HFM1: variants seen among roughly 807,000 people sequenced by gnomAD.
HFM1 encodes probable ATP-dependent DNA helicase HFM1.
In HFM1, 169 loss-of-function variants were observed where a neutral mutation model predicts 192.1. The ratio of observed to expected loss-of-function variants is 0.88; its 90% CI spans 0.78 to 1.00. The LOEUF is 1.00. HFM1 is among the 50% of genes least tolerant of loss of function. The probability of loss-of-function intolerance (pLI) is 0.00; values close to 1 mark genes in which losing one functional copy is unlikely to be tolerated. For missense variants in HFM1, 1,661 were observed against 1,668.0 expected, an observed-to-expected ratio of 1.00 and a Z score of 0.07; for synonymous variants, 525 against 537.8, an observed-to-expected ratio of 0.98 and a Z score of 0.33.
intron 30 of HFM1, among the ~76,000 whole-genome samples, chr1:91,290,981 T>TA (rs1668674247): frequency 6.6e-6 from 1 of 152,058 alleles, no homozygotes; most frequent in African/African-American, 2.4e-5. Context: ...AAGGCAGAAA[T>TA]AAAGATGTTC....
At chr1:91,341,004 C>T (rs1655251898) in intron 20 of HFM1, among the ~76,000 whole-genome samples, 1 of 152,164 alleles carries the variant, frequency 6.6e-6, no homozygotes, top group South Asian at 2.1e-4. Context: ...GAGGCTTCAA[C>T]ACCCCACTGA....
chr1:91,342,335 G>A (rs529434873), intron 20 of HFM1, among the ~76,000 whole-genome samples: 1 of 152,096 alleles, frequency 6.6e-6, no homozygotes, highest in South Asian at 2.1e-4. Flanking sequence ...TTAAGCTGTA[G>A]GAATTTGAGA....
chr1:91,336,372 A>T (rs1654580301), intron 20 of HFM1, among the ~76,000 whole-genome samples: 1 of 137,246 alleles, frequency 7.3e-6, no homozygotes, highest in African/African-American at 2.8e-5. Context: ...CTCCCCCTGC[A>T]TTCCTTCCTA....
intron 31 of HFM1, 72 bp downstream of exon 31, chr1:91,276,910 G>T: frequency 1.1e-6 from 1 of 903,850 alleles, no homozygotes. Context: ...TACATAATTA[G>T]GATGTCATTA....
intron 30 of HFM1, among the ~76,000 whole-genome samples, chr1:91,289,573 T>C (rs557702505): frequency 2.5e-4 from 38 of 152,166 alleles, no homozygotes; most frequent in East Asian, 1.9e-3. Flanking sequence ...CTGGGCAACA[T>C]TGAGCACTGA....
chr1:91,299,228 A>C (rs1000475378), intron 30 of HFM1, among the ~76,000 whole-genome samples: 3 of 152,222 alleles, frequency 2.0e-5, no homozygotes, highest in Non-Finnish European at 4.4e-5. Flanking sequence ...CAACAAGAAG[A>C]GCTAACTATC....
At chr1:91,379,563 C>T (rs1661308601) in intron 8 of HFM1, among the ~76,000 whole-genome samples, 1 of 151,998 alleles carries the variant, frequency 6.6e-6, no homozygotes, top group Admixed American at 6.6e-5. Flanking sequence ...CATCCTGGGC[C>T]ACATGCAGCC....
chr1:91,272,757 G>T (rs966218370), intron 34 of HFM1, among the ~76,000 whole-genome samples: 1 of 151,858 alleles, frequency 6.6e-6, no homozygotes, highest in Admixed American at 6.6e-5. Flanking sequence ...TCTCATTATT[G>T]GGCCTAATAG....
chr1:91,387,285 A>G (rs1176869463), intron 4 of HFM1, among the ~76,000 whole-genome samples: 4 of 152,020 alleles, frequency 2.6e-5, no homozygotes, highest in African/African-American at 9.7e-5. Flanking sequence ...TCTGCTTCAC[A>G]ATGATAGGAA....
chr1:91,296,878 A>G lies in HFM1; in HGVS notation c.3391+16471T>C, dbSNP rs545699187. On this transcript the variant is annotated intron_variant, in intron 30 of 38. Coordinates refer to ENST00000370425, the MANE Select transcript of HFM1 (RefSeq NM_001017975.6). Reference sequence around the variant, plus strand: ...TCCCAGCGTGAGCGATGCAGAAGACAGGTGATTTCTGCATTTCTAACTGAG... The same window carrying G: ...TCCCAGCGTGAGCGATGCAGAAGACGGGTGATTTCTGCATTTCTAACTGAG... 3.9e-3 allele frequency among the ~76,000 whole-genome samples: 593 copies of G among 152,332 alleles called. 1 individual carries two copies. Among genetic ancestry groups the G allele is most frequent in the African/African-American group, 0.014 (563 of 41,584 alleles).
chr1:91,399,256 G>A (rs1249647462), intron 2 of HFM1, among the ~76,000 whole-genome samples: 1 of 152,034 alleles, frequency 6.6e-6, no homozygotes, highest in Non-Finnish European at 1.5e-5. Context: ...CCTATAATAT[G>A]TATTATAGTC....
chr1:91,283,521 GAGACTACAGGTGTGAGTC>G, intron 30 of HFM1, among the ~76,000 whole-genome samples: 1 of 152,208 alleles, frequency 6.6e-6, no homozygotes, highest in South Asian at 2.1e-4. Context: ...CCAAAGTGCT[GAGACTACAGGTGTGAGTC>G]ACTGTGCCCA....
chr1:91,331,245 A>G (rs1570978059), intron 20 of HFM1, among the ~76,000 whole-genome samples: 2 of 152,234 alleles, frequency 1.3e-5, no homozygotes, highest in East Asian at 3.8e-4. Context: ...ATCCACAAGA[A>G]AACTGTCAGA....
chr1:91,372,751 A>G (rs952415215), intron 13 of HFM1, among the ~76,000 whole-genome samples: 1 of 152,202 alleles, frequency 6.6e-6, no homozygotes, highest in Admixed American at 6.5e-5. Context: ...AAGAAAATTC[A>G]TAAGAATGCT....
intron 30 of HFM1, among the ~76,000 whole-genome samples, chr1:91,311,964 T>C (rs556182742): frequency 1.3e-5 from 2 of 152,296 alleles, no homozygotes; most frequent in African/African-American, 4.8e-5. Context: ...CAGCTGTGGC[T>C]TCAAGGCTTG....
chr1:91,372,337 C>T (rs1328685542), intron 13 of HFM1, among the ~76,000 whole-genome samples: 2 of 152,148 alleles, frequency 1.3e-5, no homozygotes, highest in Admixed American at 6.5e-5. Context: ...TGGAACCAAC[C>T]CAAATGTCCA....
At chr1:91,367,939 G>T (rs1291360270) in intron 13 of HFM1, among the ~76,000 whole-genome samples, 2 of 152,196 alleles carry the variant, frequency 1.3e-5, no homozygotes, top group Non-Finnish European at 2.9e-5. Context: ...CACAGCACGA[G>T]AACTATGTGA....
chr1:91,343,071 CA>C (rs959447789), intron 20 of HFM1, among the ~76,000 whole-genome samples: 9 of 146,236 alleles, frequency 6.2e-5, no homozygotes, highest in Non-Finnish European at 6.0e-5. Context: ...ACTAAAAATA[CA>C]AAAAAAAAAT....
chr1:91,344,050 TC>T (rs1201715540), intron 19 of HFM1, among the ~76,000 whole-genome samples: 2 of 151,004 alleles, frequency 1.3e-5, no homozygotes, highest in South Asian at 4.1e-4. Context: ...GTTCTTCCCC[TC>T]CTCCCTGTTT....
Sources: allele counts gnomAD v4.1 joint callset (sites outside exome capture counted in the v4.1 genomes callset), GRCh38; gene constraint gnomAD v4.1.1; transcripts MANE v1.5; gene names NCBI Gene and HGNC (gene_info 2026-07-23, HGNC 2026-07-21).